Variants in CSMD1 observed in about 807,000 individuals in gnomAD.
CSMD1 encodes the protein CUB and Sushi multiple domains 1.
CSMD1 carries 213 observed loss-of-function variants against 417.5 expected under a neutral mutation model. That is an observed-to-expected ratio of 0.51 (90% CI 0.46 to 0.57). The LOEUF is 0.57. CSMD1 is among the 20% of genes least tolerant of loss of function. CSMD1 has a pLI of 0.00. For missense variants in CSMD1, 6,923 were observed against 4,529.7 expected (o/e 1.53, Z -15.17); for synonymous variants, 2,862 against 1,736.8 (o/e 1.65, Z -16.11).
intron 1 of CSMD1, among the ~76,000 whole-genome samples, chr8:4,682,915 G>C (rs994465536): frequency 2.1e-5 from 3 of 144,890 alleles, no homozygotes; most frequent in South Asian, 4.4e-4. Context: ...CATTTTTAGA[G>C]AAATGTTTCT....
chr8:4,986,650 C>T (rs1296459088), intron 1 of CSMD1, among the ~76,000 whole-genome samples: 2 of 151,898 alleles, frequency 1.3e-5, no homozygotes, highest in African/African-American at 2.4e-5. Flanking sequence ...GCATAATTAT[C>T]CCCTGAAGTC....
At chr8:3,842,475 G>C (rs1803201934) in intron 5 of CSMD1, among the ~76,000 whole-genome samples, 2 of 152,006 alleles carry the variant, frequency 1.3e-5, no homozygotes, top group Admixed American at 6.6e-5. Flanking sequence ...TTCATTACTA[G>C]TATTAAATAT....
At chr8:3,934,764 T>G (rs957519113) in intron 5 of CSMD1, among the ~76,000 whole-genome samples, 40 of 152,158 alleles carry the variant, frequency 2.6e-4, no homozygotes, top group African/African-American at 9.1e-4. Context: ...GGAGAATCAC[T>G]TGAACCTGGG....
At chr8:4,098,350 G>A (rs150608232) in intron 3 of CSMD1, among the ~76,000 whole-genome samples, 157 of 152,196 alleles carry the variant, frequency 1.0e-3, no homozygotes, top group Middle Eastern at 3.4e-3. Flanking sequence ...TCATAATAGT[G>A]TTGATCTTCA....
chr8:3,787,614 G>A (rs1038033892), intron 5 of CSMD1, among the ~76,000 whole-genome samples: 3 of 152,090 alleles, frequency 2.0e-5, no homozygotes, highest in Non-Finnish European at 2.9e-5. Context: ...AGTTAATTCT[G>A]TATAAGTATT....
chr8:4,114,351 G>C (rs1483052885), intron 3 of CSMD1, among the ~76,000 whole-genome samples: 2 of 152,314 alleles, frequency 1.3e-5, no homozygotes, highest in Admixed American at 6.5e-5. Context: ...GGTTAATGCA[G>C]TATTTTAAGC....
chr8:3,298,943 A>G lies in CSMD1; in HGVS notation c.3950+8752T>C, dbSNP rs1291592248. On this transcript the variant is annotated intron_variant, in intron 25 of 69. Transcript: ENST00000635120. ...GTGAACAAGCCACATGGCAGTTTTTATGCTATATGCTAATGAGAAGCTTAC... is the reference window on the plus strand; with the variant it reads ...GTGAACAAGCCACATGGCAGTTTTTGTGCTATATGCTAATGAGAAGCTTAC... 2.0e-5 allele frequency among the ~76,000 whole-genome samples: 3 copies of G among 152,142 alleles called. No individual in the cohort carries two copies. In the East Asian group the frequency reaches 5.8e-4, roughly 29 times the overall value.
At chr8:4,765,864 G>C (rs1218934688) in intron 1 of CSMD1, among the ~76,000 whole-genome samples, 1 of 152,122 alleles carries the variant, frequency 6.6e-6, no homozygotes, top group Non-Finnish European at 1.5e-5. Context: ...ATTTCTCTTG[G>C]CCCAGAAGCT....
chr8:4,384,716 G>A (rs532507530), intron 3 of CSMD1, among the ~76,000 whole-genome samples: 4 of 152,126 alleles, frequency 2.6e-5, no homozygotes, highest in Admixed American at 1.3e-4. Flanking sequence ...CAAGGCACGT[G>A]CACACACTCT....
intron 3 of CSMD1, among the ~76,000 whole-genome samples, chr8:4,413,781 G>C (rs187150372): frequency 1.7e-4 from 26 of 150,340 alleles, no homozygotes; most frequent in Non-Finnish European, 3.7e-4. Flanking sequence ...GAGAGATTTC[G>C]GTAGCTTCTG....
chr8:2,991,617 A>C (rs1018794798), intron 54 of CSMD1, among the ~76,000 whole-genome samples: 2 of 152,240 alleles, frequency 1.3e-5, no homozygotes, highest in Non-Finnish European at 1.5e-5. Flanking sequence ...TTGAAAGTAA[A>C]ACTTGTTAAT....
chr8:4,397,570 T>A (rs1274456341), intron 3 of CSMD1, among the ~76,000 whole-genome samples: 1 of 148,370 alleles, frequency 6.7e-6, no homozygotes, highest in Non-Finnish European at 1.5e-5. Flanking sequence ...AATCTTGCTC[T>A]TTTGCCCAGG....
intron 5 of CSMD1, among the ~76,000 whole-genome samples, chr8:3,825,921 A>G (rs569774463): frequency 5.1e-4 from 78 of 152,336 alleles, no homozygotes; most frequent in African/African-American, 1.6e-3. Context: ...GCAGGTAAGA[A>G]TTCATTTTGA....
chr8:4,047,713 G>C (rs144164941), intron 3 of CSMD1, among the ~76,000 whole-genome samples: 2 of 152,072 alleles, frequency 1.3e-5, no homozygotes, highest in Non-Finnish European at 2.9e-5. Context: ...TAGCTCAGTG[G>C]ATTTTAAATG....
rs1305798870 is a variant in CSMD1, at chr8:3,396,320, G to C, written c.2467C>G (p.Pro823Ala). 3.7e-6 allele frequency: 6 copies of C among 1,608,010 alleles called. No homozygotes were observed. Among genetic ancestry groups the C allele is most frequent in the Non-Finnish European group, 4.2e-6 (5 of 1,177,350 alleles). Residue 823 changes from proline (P) to alanine (A), a missense_variant, in exon 17 of 70, where the codon CCA becomes GCA. Physicochemically the swap from Pro to Ala is conservative, Grantham distance 27. Transcript: ENST00000635120. ...GTGCCGTGGTACTCGCCGATCAGTG[G>C]GGACGAACTGGCTGGCCCATCTCTG... ...EVRDGPASSS[P>A]LIGEYHGTQA...
chr8:3,546,216 G>A (rs879456268), intron 10 of CSMD1, among the ~76,000 whole-genome samples: 11 of 152,014 alleles, frequency 7.2e-5, no homozygotes, highest in Non-Finnish European at 1.3e-4. Flanking sequence ...ATTGTGTAAG[G>A]TTCTATGCAG....
At chr8:3,343,175 A>C (rs1421083590) in intron 23 of CSMD1, 119 bp downstream of exon 23, 1 of 778,570 alleles carries the variant, frequency 1.3e-6, no homozygotes, top group Non-Finnish European at 2.1e-6. Context: ...ATTAAACTGC[A>C]ATCAAAAACA....
At chr8:4,756,314 A>G (rs148141579) in intron 1 of CSMD1, among the ~76,000 whole-genome samples, 113 of 152,300 alleles carry the variant, frequency 7.4e-4, no homozygotes, top group African/African-American at 2.5e-3. Flanking sequence ...AATATTGAAG[A>G]TTTCCAGAAA....
At chr8:3,369,071 T>C (rs1363415009) in intron 19 of CSMD1, among the ~76,000 whole-genome samples, 183 bp downstream of exon 19, 1 of 152,238 alleles carries the variant, frequency 6.6e-6, no homozygotes, top group Non-Finnish European at 1.5e-5. Context: ...GAATGGTTTT[T>C]ATTGTACAGT....
Sources: allele counts gnomAD v4.1 joint callset (sites outside exome capture counted in the v4.1 genomes callset), GRCh38; gene constraint gnomAD v4.1.1; transcripts MANE v1.5; gene names NCBI Gene and HGNC (gene_info 2026-07-23, HGNC 2026-07-21).